The following NLRP11 variants were observed in gnomAD, a reference collection of about 807,000 sequenced individuals.
NLRP11 encodes the protein NLR family pyrin domain containing 11, also known as NACHT, LRR and PYD domains-containing protein 11.
In NLRP11, 53 loss-of-function variants were observed where a neutral mutation model predicts 79.3. That is an observed-to-expected ratio of 0.67 (90% CI 0.54 to 0.84). The LOEUF (loss-of-function observed/expected upper bound fraction) is 0.84. Ranked by LOEUF, NLRP11 falls within the 40% of genes least tolerant of loss-of-function variation. The pLI, the probability that NLRP11 is intolerant of heterozygous loss-of-function variation, is 0.00. For synonymous variants in NLRP11, 518 were observed against 462.6 expected (o/e 1.12, Z -1.54); for missense variants, 1,264 against 1,255.0 (o/e 1.01, Z -0.11).
chr19:55,796,299 C>G, intron 5 of NLRP11, 49 bp from the exon 6 acceptor site: 1 of 1,424,100 alleles, frequency 7.0e-7, no homozygotes, highest in African/African-American at 1.6e-5. Flanking sequence ...TTTAAGCTAT[C>G]CCCTCTTTTA....
At chr19:55,817,905 G>A (rs1023284324) in exon 2 of NLRP11, 1 of 1,601,866 alleles carries the variant, frequency 6.2e-7, no homozygotes, top group African/African-American at 1.3e-5. Flanking sequence ...CCCACTCACG[G>A]TTTCGTCTGC....
chr19:55,818,744 G>A (rs186592622), intron 1 of NLRP11, among the ~76,000 whole-genome samples: 1 of 152,196 alleles, frequency 6.6e-6, no homozygotes. Context: ...GTTATAATAA[G>A]CAAACAGGCT....
intron 9 of NLRP11, among the ~76,000 whole-genome samples, chr19:55,787,825 C>T (rs957153570): frequency 6.6e-6 from 1 of 152,214 alleles, no homozygotes; most frequent in African/African-American, 2.4e-5. Flanking sequence ...CCTCTTCCAG[C>T]CAACAGCTCT....
At chr19:55,820,275 G>A (rs186833587) in intron 1 of NLRP11, among the ~76,000 whole-genome samples, 59 of 152,234 alleles carry the variant, frequency 3.9e-4, no homozygotes, top group South Asian at 1.5e-3. Context: ...CCAGGGAGTC[G>A]CTTTCATGTT....
At chr19:55,795,646 C>A (rs534902054) in intron 6 of NLRP11, among the ~76,000 whole-genome samples, 2 of 152,218 alleles carry the variant, frequency 1.3e-5, no homozygotes, top group Middle Eastern at 6.8e-3. Flanking sequence ...CCCGCCACCA[C>A]GCCCGGCTAA....
At chr19:55,808,150 T>TTC (rs1271753170) in intron 3 of NLRP11, 136 bp from the exon 4 acceptor site, 2 of 574,782 alleles carry the variant, frequency 3.5e-6, no homozygotes, top group Non-Finnish European at 6.1e-6. Flanking sequence ...AGAAATAAAG[T>TTC]AGGGTCAAAC....
At chr19:55,788,570 C>G (rs1241784494) in intron 9 of NLRP11, among the ~76,000 whole-genome samples, 1 of 151,374 alleles carries the variant, frequency 6.6e-6, no homozygotes, top group Non-Finnish European at 1.5e-5. Context: ...GAAACCCCGT[C>G]TCTACTAAAA....
chr19:55,802,453 C>G (rs916182532), intron 4 of NLRP11, among the ~76,000 whole-genome samples: 1 of 152,154 alleles, frequency 6.6e-6, no homozygotes, highest in Non-Finnish European at 1.5e-5. Flanking sequence ...AGGAATACAG[C>G]TAACCAGAGA....
chr19:55,802,971 G>C (rs114524240), intron 4 of NLRP11, among the ~76,000 whole-genome samples: 9,556 of 152,256 alleles, frequency 0.063, 387 homozygotes, highest in Middle Eastern at 0.088. Context: ...ATATGCAGAA[G>C]ACTGAAACTG....
chr19:55,821,906 T>C (rs922653652), intron 1 of NLRP11, among the ~76,000 whole-genome samples: 15 of 152,246 alleles, frequency 9.9e-5, no homozygotes, highest in African/African-American at 2.9e-4. Context: ...GTATCCATAA[T>C]TGACACTTAG....
intron 1 of NLRP11, among the ~76,000 whole-genome samples, chr19:55,828,565 C>T (rs1982445948): frequency 6.6e-6 from 1 of 152,054 alleles, no homozygotes; most frequent in African/African-American, 2.4e-5. Flanking sequence ...CACTGCAGCC[C>T]CAATTAAGTA....
chr19:55,804,749 C>T (rs1979820331), intron 4 of NLRP11, among the ~76,000 whole-genome samples: 1 of 152,010 alleles, frequency 6.6e-6, no homozygotes. Context: ...GCACATGTAC[C>T]ACTGAACCTG....
intron 2 of NLRP11, among the ~76,000 whole-genome samples, chr19:55,816,889 A>G (rs116810943): frequency 8.2e-4 from 125 of 152,332 alleles, no homozygotes; most frequent in African/African-American, 2.9e-3. Context: ...CCCATATCCA[A>G]TCTATCCCTG....
At chr19:55,822,914 G>A (rs1315173751) in intron 1 of NLRP11, among the ~76,000 whole-genome samples, 2 of 152,248 alleles carry the variant, frequency 1.3e-5, no homozygotes, top group Admixed American at 6.5e-5. Flanking sequence ...GCCCACCACA[G>A]CTCAAGGAGG....
chr19:55,823,180 C>T (rs1217955552), intron 1 of NLRP11, among the ~76,000 whole-genome samples: 1 of 145,546 alleles, frequency 6.9e-6, no homozygotes, highest in Non-Finnish European at 1.5e-5. Context: ...CAGGGTATTC[C>T]AACAGACCTG....
chr19:55,809,239 A>C lies in NLRP11; in HGVS notation c.1371T>G (p.Cys457Trp). The change falls in exon 3 of 10, where the codon TGT (cysteine) becomes TGG (tryptophan). Residue 457 changes from cysteine to tryptophan, a missense_variant. Transcript: ENST00000589093. The surrounding 1 kb of genome is among the most constrained non-coding windows in gnomAD (Gnocchi z 4.5). ...CTGCCATCAGAAATGCAATGGCTGTACAAAACTCCTGGACGTTCAAGTGTA... is the reference window on the plus strand; with the variant it reads ...CTGCCATCAGAAATGCAATGGCTGTCCAAAACTCCTGGACGTTCAAGTGTA... The C allele has an allele frequency of 6.2e-7, 1 of 1,614,054 alleles. No homozygotes were observed. Among genetic ancestry groups the C allele is most frequent in the Non-Finnish European group, 8.5e-7 (1 of 1,179,890 alleles).
In NLRP11 at chr19:55,809,118, G is replaced by C; in HGVS notation, c.1492C>G (p.Leu498Val). Residue 498 changes from leucine (L) to valine (V), a missense_variant, in exon 3 of 10, where the codon CTT becomes GTT. Transcript: ENST00000589093. This position sits in a 1 kb window ranked among gnomAD's most constrained non-coding sequence, Gnocchi z 4.5. ...ATCTTTCTCCTGTTTGCATTTAGAA[G>C]ACCAAAAATGAAAGTAAACACTTGA... 1 of 1,613,786 alleles carries C rather than the reference G, an allele frequency of 6.2e-7. No homozygotes were observed. The highest frequency in any genetic ancestry group is 8.5e-7 in the Non-Finnish European group (1 of 1,179,936).
intron 5 of NLRP11, among the ~76,000 whole-genome samples, chr19:55,798,069 G>C (rs1043378280): frequency 6.7e-6 from 1 of 149,094 alleles, no homozygotes; most frequent in Admixed American, 6.7e-5. Context: ...GTGTGATCTC[G>C]GCTCACCGCA....
chr19:55,832,842 C>T (rs1031157410), upstream of NLRP11: 1 of 152,070 alleles, frequency 6.6e-6, no homozygotes, highest in African/African-American at 2.4e-5. Flanking sequence ...CAATAAGATA[C>T]AAGATAAACA....
Sources: gnomAD v4.1 joint callset for allele counts (sites outside exome capture counted in the v4.1 genomes callset) on GRCh38, gnomAD v4.1.1 for gene constraint, Gnocchi (gnomAD v3.1) non-coding constraint, MANE v1.5 for transcripts, NCBI Gene and HGNC (gene_info 2026-07-23, HGNC 2026-07-21) for gene names.